The following FBXO11 variants were observed in gnomAD, a reference collection of about 807,000 sequenced individuals.
The protein encoded by FBXO11 is F-box only protein 11.
Under a neutral mutation model 117.0 loss-of-function variants are expected in FBXO11, and 13 were observed. The ratio of observed to expected loss-of-function variants is 0.11; its 90% CI spans 0.07 to 0.18. The LOEUF is 0.18. FBXO11 is among the 10% of genes least tolerant of loss of function. The pLI is 1.00. For synonymous variants in FBXO11, 490 were observed against 380.5 expected (o/e 1.29, Z -3.35); for missense variants, 767 against 1,164.4 (o/e 0.66, Z 4.97).
At chr2:47,864,419 C>G (rs1457030900) in intron 1 of FBXO11, among the ~76,000 whole-genome samples, 1 of 152,170 alleles carries the variant, frequency 6.6e-6, no homozygotes, top group Non-Finnish European at 1.5e-5. Context: ...AAAACCCCAT[C>G]TCTACTAAAA....
intron 13 of FBXO11, 86 bp downstream of exon 13, chr2:47,822,132 G>C (rs1001161664): frequency 1.1e-6 from 1 of 881,714 alleles, no homozygotes; most frequent in African/African-American, 1.7e-5. Context: ...CTTCCACTTG[G>C]GTAGTTTCAA....
chr2:47,893,838 A>G (rs1039788019), intron 1 of FBXO11, among the ~76,000 whole-genome samples: 3 of 152,192 alleles, frequency 2.0e-5, no homozygotes, highest in Non-Finnish European at 2.9e-5. Context: ...CTTATCCCCA[A>G]ATTTAGGGAT....
chr2:47,834,397 C>G (rs1672408560), intron 7 of FBXO11, among the ~76,000 whole-genome samples, 182 bp downstream of exon 7: 1 of 151,998 alleles, frequency 6.6e-6, no homozygotes, highest in African/African-American at 2.4e-5. Flanking sequence ...AATTTATATA[C>G]AGCTATAATT....
intron 1 of FBXO11, among the ~76,000 whole-genome samples, chr2:47,846,398 A>C (rs1014473924): frequency 1.3e-5 from 2 of 152,170 alleles, no homozygotes; most frequent in Non-Finnish European, 2.9e-5. Flanking sequence ...ACCTGGAAGA[A>C]GGCGGCTGCG....
chr2:47,824,457 A>T (rs1056576567), intron 11 of FBXO11, among the ~76,000 whole-genome samples: 1 of 152,016 alleles, frequency 6.6e-6, no homozygotes, highest in African/African-American at 2.4e-5. Flanking sequence ...ACACCATCGC[A>T]CTCCAGCCTG....
At chr2:47,827,368 G>C (rs982293806) in intron 11 of FBXO11, among the ~76,000 whole-genome samples, 1 of 148,274 alleles carries the variant, frequency 6.7e-6, no homozygotes, top group Non-Finnish European at 1.5e-5. Flanking sequence ...GCGCAGTGGC[G>C]CACTTTCGGC....
rs1224264178 is a variant in FBXO11 at position 47,807,279 on chromosome 2, G to A, written c.*839C>T. ...GTTTGTTTTGAAGAGACTTTCTAAAGTGTACTTAAAACATAGTAGTTTTTT... is the reference window on the plus strand; with the variant it reads ...GTTTGTTTTGAAGAGACTTTCTAAAATGTACTTAAAACATAGTAGTTTTTT... On this transcript the variant is annotated 3_prime_UTR_variant, in exon 23 of 23. Coordinates refer to ENST00000403359, the MANE Select transcript of FBXO11 (RefSeq NM_001190274.2). The A allele has an allele frequency of 4.5e-6, 1 of 222,182 alleles. No homozygotes were observed. The highest frequency in any genetic ancestry group is 9.0e-6 in the Non-Finnish European group (1 of 111,038). The allele number at this position is 222,182 out of a possible 1,614,324, so 13.8% of individuals were successfully genotyped here. A position where few individuals can be genotyped will look rare whatever the true frequency, so the allele number is the denominator to read the frequency against.
chr2:47,880,950 CT>C (rs1676383009), intron 1 of FBXO11, among the ~76,000 whole-genome samples: 1 of 147,970 alleles, frequency 6.8e-6, no homozygotes, highest in Non-Finnish European at 1.5e-5. Context: ...ATATTAATAT[CT>C]TTTTTAAGAA....
intron 1 of FBXO11, among the ~76,000 whole-genome samples, chr2:47,876,934 C>T (rs191022274): frequency 7.8e-4 from 118 of 151,240 alleles, no homozygotes; most frequent in African/African-American, 2.7e-3. Flanking sequence ...TTTTCCACTT[C>T]TCTCTTACTA....
chr2:47,863,709 G>A (rs554374809), intron 1 of FBXO11, among the ~76,000 whole-genome samples: 33 of 152,130 alleles, frequency 2.2e-4, no homozygotes, highest in African/African-American at 6.5e-4. Context: ...CCCTGCCTAC[G>A]GTGGGCAGAT....
At chr2:47,857,488 CAAGTA>C (rs1221408276) in intron 1 of FBXO11, among the ~76,000 whole-genome samples, 5 of 151,930 alleles carry the variant, frequency 3.3e-5, no homozygotes, top group African/African-American at 1.2e-4. Context: ...TCATGTGAGA[CAAGTA>C]AAGACTACAA....
At position 47,833,010 on chromosome 2, in the gene FBXO11, A is replaced by G; in HGVS notation, c.995T>C (p.Phe332Ser). Reference sequence around the variant, plus strand: ...ATAAGCATCTTCAGAGCCTTCCATAAAAACGAAGGTTGAATCTCTAGTGTT... The same window carrying G: ...ATAAGCATCTTCAGAGCCTTCCATAGAAACGAAGGTTGAATCTCTAGTGTT... ...IENTRDSTFVFMEGSEDAYVG... is the reference protein window; with the variant it reads ...IENTRDSTFVSMEGSEDAYVG... Residue 332 changes from phenylalanine (F) to serine (S), a missense_variant, in exon 8 of 23, where the codon TTT becomes TCT. By Grantham distance (155) the Phe-to-Ser change is radical. Around this residue, in one of 10 missense-constraint regions of FBXO11, gnomAD observed 123 missense variants for 145.0 expected, o/e 0.85. Transcript: ENST00000403359. 1 of 1,613,898 alleles carries G rather than the reference A, an allele frequency of 6.2e-7. No individual in the cohort carries two copies. The highest frequency in any genetic ancestry group is 8.5e-7 in the Non-Finnish European group (1 of 1,179,830).
chr2:47,839,799 T>C (rs759767997), intron 1 of FBXO11, 30 bp from the exon 2 acceptor site: 1 of 1,583,542 alleles, frequency 6.3e-7, no homozygotes, highest in African/African-American at 1.4e-5. Flanking sequence ...TAAGAAAAAT[T>C]ATACCCTTTT....
chr2:47,870,126 T>C (rs1019532946), intron 1 of FBXO11, among the ~76,000 whole-genome samples: 5 of 152,382 alleles, frequency 3.3e-5, no homozygotes, highest in African/African-American at 4.8e-5. Context: ...GGTGTTCATC[T>C]GTACCATCAG....
At chr2:47,849,002 C>G (rs77414538) in intron 1 of FBXO11, among the ~76,000 whole-genome samples, 375 of 152,248 alleles carry the variant, frequency 2.5e-3, no homozygotes, top group African/African-American at 8.5e-3. Flanking sequence ...AATTTACTTA[C>G]CCATAGTCAC....
At chr2:47,813,981 A>G (rs112773553) in intron 16 of FBXO11, 114 bp from the exon 17 acceptor site, 4 of 774,614 alleles carry the variant, frequency 5.2e-6, no homozygotes, top group African/African-American at 1.8e-5. Context: ...AGAATTAACT[A>G]TACAATGGAG....
At chr2:47,888,196 A>G (rs1677010232) in intron 1 of FBXO11, among the ~76,000 whole-genome samples, 1 of 152,290 alleles carries the variant, frequency 6.6e-6, no homozygotes, top group East Asian at 1.9e-4. Context: ...ACAGATCAGT[A>G]GGTCCAACAA....
rs369401786 is a variant in FBXO11, at chr2:47,858,675, C to T, written c.233-18906G>A. ...CCAGCCTGGGCAACAGAGTGAGACT[C>T]TGCCTCAAAAAAAAAAAAAAAAAAA... On this transcript the variant is annotated intron_variant, in intron 1 of 22. Coordinates refer to ENST00000403359, the MANE Select transcript of FBXO11 (RefSeq NM_001190274.2). Among the ~76,000 whole-genome samples, 133 of 119,870 alleles carry T rather than the reference C, an allele frequency of 1.1e-3. 1 individual carries two copies. The highest frequency in any genetic ancestry group is 4.3e-3 in the African/African-American group (127 of 29,282). The allele number at this position is 119,870 out of a possible 152,430, so 78.6% of individuals were successfully genotyped here.
At chr2:47,879,716 C>A (rs2103893061) in intron 1 of FBXO11, among the ~76,000 whole-genome samples, 1 of 152,272 alleles carries the variant, frequency 6.6e-6, no homozygotes, top group Admixed American at 6.5e-5. Context: ...GTTTTGGCTG[C>A]AAATAAGTTT....
Sources: allele counts gnomAD v4.1 joint callset (sites outside exome capture counted in the v4.1 genomes callset), GRCh38; gene constraint gnomAD v4.1.1; regional missense constraint gnomAD v4.1.1; transcripts MANE v1.5; gene names NCBI Gene and HGNC (gene_info 2026-07-23, HGNC 2026-07-21).